The following RBFOX1 variants were observed in gnomAD, a reference collection of about 807,000 sequenced individuals.
RBFOX1 encodes the protein RNA binding protein fox-1 homolog 1.
A neutral mutation model predicts 57.7 loss-of-function variants in RBFOX1; 8 were observed. That is an observed-to-expected ratio of 0.14 (90% CI 0.08 to 0.25). The LOEUF (loss-of-function observed/expected upper bound fraction) is 0.25. Among genes scored for constraint, RBFOX1 ranks in the 10% least tolerant of loss-of-function variants. The pLI is 1.00. For synonymous variants in RBFOX1, 326 were observed against 222.4 expected (o/e 1.47, Z -4.15); for missense variants, 611 against 548.5 (o/e 1.11, Z -1.14).
intron 1 of RBFOX1, among the ~76,000 whole-genome samples, chr16:5,388,229 G>T (rs573694175): frequency 6.6e-6 from 1 of 152,272 alleles, no homozygotes; most frequent in East Asian, 1.9e-4. Flanking sequence ...GCAGCCAGGG[G>T]TCTCTGCCTC....
chr16:6,739,646 G>A (rs2071447922), intron 3 of RBFOX1, among the ~76,000 whole-genome samples: 1 of 152,142 alleles, frequency 6.6e-6, no homozygotes, highest in African/African-American at 2.4e-5. Context: ...GGAGGCCGAG[G>A]TGGGTGGATC....
intron 4 of RBFOX1, among the ~76,000 whole-genome samples, chr16:7,300,506 G>A (rs190480419): frequency 1.3e-4 from 20 of 152,270 alleles, no homozygotes; most frequent in Admixed American, 1.3e-4. Context: ...ACATCTTGAC[G>A]TTGCCACTGA....
At chr16:7,017,924 A>G (rs1180804936) in intron 3 of RBFOX1, among the ~76,000 whole-genome samples, 1 of 152,130 alleles carries the variant, frequency 6.6e-6, no homozygotes, top group Non-Finnish European at 1.5e-5. Context: ...AAAATGCTAT[A>G]TTTGCAAACT....
At chr16:5,969,871 C>T (rs1376446710) in intron 4 of RBFOX1, among the ~76,000 whole-genome samples, 1 of 151,996 alleles carries the variant, frequency 6.6e-6, no homozygotes, top group South Asian at 2.1e-4. Flanking sequence ...CTCCAAGCAA[C>T]TCTGACTGGT....
chr16:5,940,579 T>C (rs150339879), intron 4 of RBFOX1, among the ~76,000 whole-genome samples: 1 of 152,182 alleles, frequency 6.6e-6, no homozygotes, highest in Non-Finnish European at 1.5e-5. Context: ...TATAATTCTT[T>C]AAAAATTTCA....
intron 1 of RBFOX1, among the ~76,000 whole-genome samples, chr16:6,176,473 TTTAG>T (rs1477444124): frequency 7.2e-5 from 11 of 151,908 alleles, no homozygotes; most frequent in Admixed American, 5.9e-4. Context: ...GATTGAGGAA[TTTAG>T]TTAAAGTTGC....
intron 4 of RBFOX1, among the ~76,000 whole-genome samples, chr16:7,395,228 A>C (rs1486934962): frequency 6.6e-6 from 1 of 151,988 alleles, no homozygotes; most frequent in Non-Finnish European, 1.5e-5. Context: ...GCATTGTTCA[A>C]ATTACAAAGC....
intron 3 of RBFOX1, among the ~76,000 whole-genome samples, chr16:6,694,511 G>A (rs2060725758): frequency 6.6e-6 from 1 of 152,174 alleles, no homozygotes; most frequent in South Asian, 2.1e-4. Context: ...AAATTCCTAA[G>A]TGTTTTAGTT....
intron 4 of RBFOX1, among the ~76,000 whole-genome samples, chr16:5,882,420 C>G (rs2057785691): frequency 1.3e-5 from 2 of 152,186 alleles, no homozygotes; most frequent in Admixed American, 6.5e-5. Flanking sequence ...TTTTGCCCCC[C>G]TCCCATTGGC....
At chr16:5,544,602 G>A (rs958188736) in intron 2 of RBFOX1, among the ~76,000 whole-genome samples, 1 of 152,072 alleles carries the variant, frequency 6.6e-6, no homozygotes, top group Non-Finnish European at 1.5e-5. Context: ...AAAACCAACA[G>A]CTAGTTCTTT....
intron 3 of RBFOX1, among the ~76,000 whole-genome samples, chr16:5,672,662 AT>A (rs1290516306): frequency 2.6e-5 from 4 of 152,194 alleles, no homozygotes; most frequent in South Asian, 2.1e-4. Flanking sequence ...TCCATCTCTG[AT>A]TTTTTTTCTT....
At chr16:7,302,267 C>G (rs1156956051) in intron 4 of RBFOX1, among the ~76,000 whole-genome samples, 1 of 152,138 alleles carries the variant, frequency 6.6e-6, no homozygotes, top group Non-Finnish European at 1.5e-5. Flanking sequence ...GTGAAGACTT[C>G]ATAGTTATTT....
At chr16:5,920,117 G>T (rs1420967142) in intron 4 of RBFOX1, among the ~76,000 whole-genome samples, 3 of 151,982 alleles carry the variant, frequency 2.0e-5, no homozygotes, top group African/African-American at 7.2e-5. Context: ...GCATTTTTTG[G>T]TAGAGACGGG....
intron 1 of RBFOX1, among the ~76,000 whole-genome samples, chr16:5,279,664 G>A (rs975628011): frequency 1.3e-5 from 2 of 152,020 alleles, no homozygotes; most frequent in African/African-American, 2.4e-5. Context: ...ACCATGCCTG[G>A]CTAATTGTTG....
chr16:7,504,710 T>A (rs2072197811), intron 4 of RBFOX1, among the ~76,000 whole-genome samples: 1 of 3,144 alleles, frequency 3.2e-4, no homozygotes, highest in Non-Finnish European at 6.8e-4. Flanking sequence ...GAAGTGAGAT[T>A]ATATATATAT....
At chr16:7,011,177 T>G (rs965668614) in intron 3 of RBFOX1, among the ~76,000 whole-genome samples, 15 of 152,176 alleles carry the variant, frequency 9.9e-5, no homozygotes, top group African/African-American at 3.6e-4. Flanking sequence ...TGGATTTATT[T>G]GATTTCAATA....
intron 4 of RBFOX1, among the ~76,000 whole-genome samples, chr16:7,231,493 T>G (rs1223100345): frequency 6.6e-6 from 1 of 152,168 alleles, no homozygotes; most frequent in Non-Finnish European, 1.5e-5. Context: ...CTCGGGAAGT[T>G]AAGCATAGAA....
At chr16:6,142,189 CAAAAAAAAAA>C (rs71142685) in intron 1 of RBFOX1, among the ~76,000 whole-genome samples, 2 of 49,094 alleles carry the variant, frequency 4.1e-5, no homozygotes, top group African/African-American at 1.8e-4. Flanking sequence ...GCTGCTGCTG[CAAAAAAAAAA>C]AAAAAAAAAA....
intron 1 of RBFOX1, among the ~76,000 whole-genome samples, chr16:6,221,592 C>A (rs534845788): frequency 4.6e-5 from 7 of 152,218 alleles, no homozygotes; most frequent in East Asian, 1.9e-4. Context: ...TGTATTAGTC[C>A]ATTCTTATAC....
Sources: allele counts gnomAD v4.1 joint callset (sites outside exome capture counted in the v4.1 genomes callset), GRCh38; gene constraint gnomAD v4.1.1; transcripts MANE v1.5; gene names NCBI Gene and HGNC (gene_info 2026-07-23, HGNC 2026-07-21).